BCR: variants seen among roughly 807,000 people sequenced by gnomAD.
The protein encoded by BCR is breakpoint cluster region protein.
A neutral mutation model predicts 138.6 loss-of-function variants in BCR; 58 were observed. That is an observed-to-expected ratio of 0.42 (90% CI 0.34 to 0.52). The LOEUF is 0.52. Among genes scored for constraint, BCR ranks in the 20% least tolerant of loss-of-function variants. BCR has a pLI of 0.06. For missense variants in BCR, 1,599 were observed against 1,727.2 expected (o/e 0.93, Z 1.32); for synonymous variants, 786 against 730.1 (o/e 1.08, Z -1.23).
In BCR at chr22:23,180,669, G is replaced by T. The variant is rs1313145933; in HGVS notation, c.-292G>T. 5.2e-5 allele frequency: 8 copies of T among 153,976 alleles called. No individual in the cohort carries two copies. The highest frequency in any genetic ancestry group is 2.9e-3 in the Middle Eastern group (1 of 348). 9.5% of individuals were successfully genotyped at this position (153,976 alleles called of 1,614,324 possible). A position where few individuals can be genotyped will look rare whatever the true frequency, so the allele number is the denominator to read the frequency against. On this transcript the variant is annotated 5_prime_UTR_variant, in exon 1 of 23. Transcript: ENST00000305877. ...CGGGCCGTGGCCAGAGTCTGGCGGC[G>T]GCCTGGCGGAGCGGAGAGCAGCGCC...
chr22:23,296,034 C>T (rs147078243), intron 16 of BCR, among the ~76,000 whole-genome samples: 1 of 152,126 alleles, frequency 6.6e-6, no homozygotes, highest in Admixed American at 6.5e-5. Flanking sequence ...CCTCAGGAAG[C>T]CCAGTCTCCC....
intron 8 of BCR, among the ~76,000 whole-genome samples, chr22:23,281,589 C>T (rs896507204): frequency 1.3e-5 from 2 of 150,328 alleles, no homozygotes; most frequent in African/African-American, 4.9e-5. Flanking sequence ...GGCCGAGTGA[C>T]GGGGACTGCA....
intron 16 of BCR, among the ~76,000 whole-genome samples, chr22:23,307,382 G>C (rs1417642702): frequency 6.6e-6 from 1 of 150,792 alleles, no homozygotes; most frequent in African/African-American, 2.5e-5. Context: ...GATATCACAG[G>C]CAGGGTTTCC....
In BCR at chr22:23,213,399, C is replaced by T. The variant is rs1050543065; in HGVS notation, c.1279+31160C>T. Among the ~76,000 whole-genome samples the T allele has an allele frequency of 2.8e-4, 43 of 152,154 alleles. 1 individual carries two copies. The highest frequency in any genetic ancestry group is 8.4e-4 in the African/African-American group (35 of 41,434). Reference sequence around the variant, plus strand: ...GAGAGTCGTTCCCTTAATGGATGGTCAGGCACAGCAGCTATGGGCTCAAAT... The same window carrying T: ...GAGAGTCGTTCCCTTAATGGATGGTTAGGCACAGCAGCTATGGGCTCAAAT... On this transcript the variant is annotated intron_variant, in intron 1 of 22. Coordinates refer to ENST00000305877, the MANE Select transcript of BCR (RefSeq NM_004327.4).
intron 1 of BCR, among the ~76,000 whole-genome samples, chr22:23,222,300 G>C (rs891314150): frequency 1.3e-5 from 2 of 152,154 alleles, no homozygotes; most frequent in African/African-American, 4.8e-5. Context: ...GGCGCGTCTT[G>C]GGCCCCTTAT....
chr22:23,201,967 A>C (rs1383757052), intron 1 of BCR, among the ~76,000 whole-genome samples: 2 of 152,174 alleles, frequency 1.3e-5, no homozygotes, highest in African/African-American at 4.8e-5. Flanking sequence ...TTATGTGTAA[A>C]TCTTTTTTAT....
At chr22:23,258,183 C>T (rs368740495) in intron 2 of BCR, among the ~76,000 whole-genome samples, 5 of 152,300 alleles carry the variant, frequency 3.3e-5, no homozygotes, top group Admixed American at 6.5e-5. Context: ...CACAGGCACC[C>T]GGGCATGCTG....
At chr22:23,311,592 C>T in intron 18 of BCR, 105 bp from the exon 19 acceptor site, 1 of 929,042 alleles carries the variant, frequency 1.1e-6, no homozygotes, top group Non-Finnish European at 1.7e-6. Context: ...GTACCTTCGT[C>T]ACCGTCCTCA....
At position 23,314,059 on chromosome 22, in the gene BCR, G is replaced by A. The variant is rs1252843274; in HGVS notation, c.3549G>A (p.Leu1183=). ...EANLLTFLFL[L]DHLKRVAEKE... is the part of the protein sequence containing the mutation. ...ACCTGCTCACCTTCCTTTTCCTTCT[G>A]GACCACCTGAAAAGGTAGCCCAGCT... Residue 1183 remains leucine (L), a synonymous_variant, in exon 21 of 23, where the codon CTG becomes CTA. Transcript: ENST00000305877. 6.2e-7 allele frequency: 1 copy of A among 1,613,342 alleles called. No individual in the cohort carries two copies. Among genetic ancestry groups the A allele is most frequent in the Non-Finnish European group, 8.5e-7 (1 of 1,179,918 alleles).
intron 1 of BCR, among the ~76,000 whole-genome samples, chr22:23,194,467 G>C (rs2072453384): frequency 6.6e-6 from 1 of 151,370 alleles, no homozygotes; most frequent in South Asian, 2.1e-4. Flanking sequence ...CTGGAGTGCA[G>C]TGGAGCAATC....
chr22:23,222,349 C>T (rs987108599), intron 1 of BCR, among the ~76,000 whole-genome samples: 28 of 152,106 alleles, frequency 1.8e-4, no homozygotes, highest in Non-Finnish European at 3.7e-4. Flanking sequence ...TGATTCCGGC[C>T]GAGTTTCCAG....
At position 23,314,068 on chromosome 22, in the gene BCR, GA is replaced by G; in HGVS notation, c.3562del (p.Arg1188GlyfsTer44). ...CCTTCCTTTTCCTTCTGGACCACCT[GA>G]AAAGGTAGCCCAGCTCTCCCATGGC... ...LTFLFLLDHL[K>X]RVAEKEAVNK... On this transcript the variant is annotated frameshift_variant, in exon 21 of 23. Transcript: ENST00000305877. LOFTEE classifies it high-confidence loss of function. The G allele has an allele frequency of 6.2e-7, 1 of 1,612,848 alleles. No homozygotes were observed.
chr22:23,214,465 G>C (rs2072725464), intron 1 of BCR, among the ~76,000 whole-genome samples: 1 of 152,236 alleles, frequency 6.6e-6, no homozygotes, highest in Non-Finnish European at 1.5e-5. Flanking sequence ...TGGCTTGGGA[G>C]GTGCTGCTCT....
intron 4 of BCR, among the ~76,000 whole-genome samples, chr22:23,265,169 G>C (rs2073424912): frequency 6.6e-6 from 1 of 152,176 alleles, no homozygotes; most frequent in African/African-American, 2.4e-5. Context: ...ATTTAACTTT[G>C]GAAGGTTTCC....
intron 1 of BCR, among the ~76,000 whole-genome samples, chr22:23,245,584 G>A (rs1209238427): frequency 3.3e-5 from 5 of 152,120 alleles, no homozygotes; most frequent in Non-Finnish European, 5.9e-5. Context: ...GGCACTTGGC[G>A]TGGATGCAAG....
intron 4 of BCR, chr22:23,264,499 A>G (rs2073414235): frequency 3.5e-6 from 2 of 564,740 alleles, no homozygotes; most frequent in South Asian, 2.1e-5. Context: ...GGCACCTTGC[A>G]GTAGAGGCTT....
chr22:23,290,317 AC>A, intron 13 of BCR, 21 bp from the exon 14 acceptor site: 1 of 1,609,820 alleles, frequency 6.2e-7, no homozygotes, highest in South Asian at 1.1e-5. Flanking sequence ...ACAGAAGCTG[AC>A]CTCTTTGATC....
intron 19 of BCR, chr22:23,312,255 C>T: frequency 5.1e-6 from 1 of 197,076 alleles, no homozygotes. Flanking sequence ...TATGAAGGAC[C>T]TGGAACTGTC....
At chr22:23,191,273 C>G (rs2072410605) in intron 1 of BCR, among the ~76,000 whole-genome samples, 1 of 152,226 alleles carries the variant, frequency 6.6e-6, no homozygotes. Flanking sequence ...CATCTCTTTT[C>G]TGTTTATCTT....
Sources: gnomAD v4.1 joint callset for allele counts (sites outside exome capture counted in the v4.1 genomes callset) on GRCh38, gnomAD v4.1.1 for gene constraint, MANE v1.5 for transcripts, NCBI Gene and HGNC (gene_info 2026-07-23, HGNC 2026-07-21) for gene names.